The following ZBTB17 variants were observed in gnomAD, a reference collection of about 807,000 sequenced individuals.
ZBTB17 encodes the protein zinc finger and BTB domain-containing protein 17.
Under a neutral mutation model 85.1 loss-of-function variants are expected in ZBTB17, and 24 were observed. That is an observed-to-expected ratio of 0.28 (90% CI 0.20 to 0.40). The LOEUF is 0.40. Among genes scored for constraint, ZBTB17 ranks in the 10% least tolerant of loss-of-function variants. The pLI, the probability that ZBTB17 is intolerant of heterozygous loss-of-function variation, is 1.00. For missense variants in ZBTB17, 743 were observed against 1,105.1 expected (o/e 0.67, Z 4.65); for synonymous variants, 464 against 460.2 (o/e 1.01, Z -0.11).
intron 13 of ZBTB17, 95 bp downstream of exon 13, chr1:15,942,969 C>G (rs2071424788): frequency 6.5e-7 from 1 of 1,540,586 alleles, no homozygotes. Flanking sequence ...AGCTAGCACC[C>G]GAGGCTGGGG....
At chr1:15,970,731 T>C (rs1211603801) in intron 2 of ZBTB17, among the ~76,000 whole-genome samples, 1 of 151,992 alleles carries the variant, frequency 6.6e-6, no homozygotes, top group East Asian at 1.9e-4. Flanking sequence ...GTATTTTTAG[T>C]AGAGACGGAG....
Position 15,944,466 on chromosome 1 carries a change from G to A in ZBTB17, c.1205C>T (p.Ser402Leu). The change falls in exon 9 of 16, where the codon TCG becomes TTG. Residue 402 changes from serine (S) to leucine (L), a missense_variant. By Grantham distance (145) the Ser-to-Leu change is moderately radical. Coordinates refer to ENST00000375743, the MANE Select transcript of ZBTB17 (RefSeq NM_003443.3). ...CAGCTGGTGGCGCTTGAGGTTGCCC[G>A]AGGTGGTGAAGAGCTTGCCGCAGTC... ...CEDCGKLFTTSGNLKRHQLVH... is the reference protein window; with the variant it reads ...CEDCGKLFTTLGNLKRHQLVH... 6.3e-7 allele frequency: 1 copy of A among 1,577,056 alleles called. No individual in the cohort carries two copies. The highest frequency in any genetic ancestry group is 1.3e-5 in the African/African-American group (1 of 74,236).
chr1:15,946,821 A>G, intron 4 of ZBTB17, 114 bp downstream of exon 4: 1 of 1,331,494 alleles, frequency 7.5e-7, no homozygotes. Context: ...GCCAGCACCC[A>G]CAACCGAGGC....
chr1:15,944,673 T>A (rs1390740170), intron 8 of ZBTB17, 24 bp downstream of exon 8: 1 of 1,603,266 alleles, frequency 6.2e-7, no homozygotes, highest in Non-Finnish European at 8.5e-7. Flanking sequence ...GGGGCCGGGG[T>A]AGGAGGCCGG....
In ZBTB17 at chr1:15,948,909, A is replaced by G. The variant is rs1157745231; in HGVS notation, c.-2-412T>C. Among the ~76,000 whole-genome samples the G allele has an allele frequency of 2.0e-5, 3 of 152,360 alleles. No homozygotes were observed. The East Asian group carries it at 5.8e-4, about 29-fold the overall frequency. On this transcript the variant is annotated intron_variant, in intron 2 of 15. Coordinates refer to ENST00000375743, the MANE Select transcript of ZBTB17 (RefSeq NM_003443.3). ...AGAATGCATGACAATCTCAGAATAA[A>G]GGACAGATGTTTCAATTGGACATGT...
rs2071885234 is a variant in ZBTB17 at position 15,952,237 on chromosome 1, C to T, written c.-2-3740G>A. Among the ~76,000 whole-genome samples, 1 of 152,196 alleles carries T rather than the reference C, an allele frequency of 6.6e-6. No homozygotes were observed. The highest frequency in any genetic ancestry group is 1.5e-5 in the Non-Finnish European group (1 of 68,036). ...GCAATCGGGCACCTTTTCCCAACAC[C>T]TCTAGTCACTCAGTTTTTCTCCCTC... On this transcript the variant is annotated intron_variant, in intron 2 of 15. Coordinates refer to ENST00000375743, the MANE Select transcript of ZBTB17 (RefSeq NM_003443.3). This position sits in a 1 kb window ranked among gnomAD's most constrained non-coding sequence, Gnocchi z 4.3.
chr1:15,947,575 C>T (rs185943914), intron 3 of ZBTB17, among the ~76,000 whole-genome samples: 290 of 152,200 alleles, frequency 1.9e-3, no homozygotes, highest in African/African-American at 6.7e-3. Context: ...TGAATGCCTG[C>T]CCTGGATGAG....
intron 2 of ZBTB17, among the ~76,000 whole-genome samples, chr1:15,963,910 A>G (rs2072346628): frequency 1.3e-5 from 2 of 152,048 alleles, no homozygotes. Context: ...GTTCAAGACC[A>G]GCCTGTCTTT....
At chr1:15,971,360 C>T (rs1056274118) in intron 2 of ZBTB17, among the ~76,000 whole-genome samples, 2 of 139,652 alleles carry the variant, frequency 1.4e-5, no homozygotes, top group Non-Finnish European at 3.1e-5. Flanking sequence ...CATACACACA[C>T]AATATATATA....
rs553065526 is a variant in ZBTB17 at position 15,952,374 on chromosome 1, G to A, written c.-2-3877C>T. ...CTGGGGAACAAAAAAGTGAGGCACT[G>A]AGGACACCTGCAGTGTGAGTCCGGA... On this transcript the variant is annotated intron_variant, in intron 2 of 15. Transcript: ENST00000375743. This position sits in a 1 kb window ranked among gnomAD's most constrained non-coding sequence, Gnocchi z 4.3. Among the ~76,000 whole-genome samples the A allele has an allele frequency of 6.6e-6, 1 of 152,364 alleles. No individual in the cohort carries two copies. The highest frequency in any genetic ancestry group is 2.4e-5 in the African/African-American group (1 of 41,582).
intron 2 of ZBTB17, among the ~76,000 whole-genome samples, chr1:15,950,043 G>A (rs775276982): frequency 6.7e-4 from 102 of 152,334 alleles, no homozygotes; most frequent in Non-Finnish European, 1.1e-3. Context: ...CTCTCTCAAT[G>A]ACATTCCTAA....
intron 2 of ZBTB17, among the ~76,000 whole-genome samples, chr1:15,959,350 A>G (rs1262694940): frequency 3.3e-5 from 5 of 152,162 alleles, no homozygotes; most frequent in Non-Finnish European, 5.9e-5. Context: ...GAAGCCCCTC[A>G]GGGGAGCAGG....
Position 15,951,350 on chromosome 1 carries a change from C to T in ZBTB17, c.-2-2853G>A, listed in dbSNP as rs538700809. Among the ~76,000 whole-genome samples the T allele has an allele frequency of 8.2e-5, 12 of 145,686 alleles. No homozygotes were observed. In the East Asian group the frequency reaches 2.3e-3, roughly 28 times the overall value. On this transcript the variant is annotated intron_variant, in intron 2 of 15. Coordinates refer to ENST00000375743, the MANE Select transcript of ZBTB17 (RefSeq NM_003443.3). This position sits in a 1 kb window ranked among gnomAD's most constrained non-coding sequence, Gnocchi z 4.1. ...GAGGGAGGGAGGGAGGGGCCCTGTA[C>T]CCACAGAGAGATCAGCAGCAGCTGA...
intron 2 of ZBTB17, among the ~76,000 whole-genome samples, chr1:15,957,120 A>G (rs1328644447): frequency 6.6e-6 from 1 of 151,162 alleles, no homozygotes; most frequent in African/African-American, 2.4e-5. Context: ...CAGAGGTTGC[A>G]GTGAGCCAAG....
At chr1:15,974,639 G>C (rs1402165984) in intron 1 of ZBTB17, among the ~76,000 whole-genome samples, 2 of 151,282 alleles carry the variant, frequency 1.3e-5, no homozygotes, top group Admixed American at 1.3e-4. Flanking sequence ...CAGTGGCGCC[G>C]TTTCGGCTCA....
intron 7 of ZBTB17, 47 bp from the exon 8 acceptor site, chr1:15,944,886 G>T: frequency 6.4e-7 from 1 of 1,564,978 alleles, no homozygotes; most frequent in Non-Finnish European, 8.7e-7. Context: ...GCCGGTGGGA[G>T]GCCGGAGGGG....
In ZBTB17 at chr1:15,946,971, T is replaced by G. The variant is rs763967561; in HGVS notation, c.358A>C (p.Ser120Arg). 2 of 1,613,668 alleles carry G rather than the reference T, an allele frequency of 1.2e-6. No individual in the cohort carries two copies. The highest frequency in any genetic ancestry group is 2.2e-5 in the South Asian group (2 of 91,082). ...AAGGCCTCCGCATTTCCCCCAGGGC[T>G]GGTAGCCGGCTCAGCAAGTGACTTG... ...ALKSLAEPATSPGGNAEALAT... is the reference protein window; with the variant it reads ...ALKSLAEPATRPGGNAEALAT... The change falls in exon 4 of 16, where the codon AGC becomes CGC. Residue 120 changes from serine (S) to arginine (R), a missense_variant. Transcript: ENST00000375743.
Position 15,945,099 on chromosome 1 carries a change from G to A in ZBTB17, c.765C>T (p.Ser255=). The A allele has an allele frequency of 6.2e-7, 1 of 1,610,742 alleles. No individual in the cohort carries two copies. The highest frequency in any genetic ancestry group is 1.1e-5 in the South Asian group (1 of 89,972). The change falls in exon 7 of 16, where the codon TCC becomes TCT. Residue 255 remains serine, a synonymous_variant. Transcript: ENST00000375743. Reference sequence around the variant, plus strand: ...CGGGGGCCTCTCCGTTCTCCAGCTGGGAACCCTCCTCCTTGACCTCAGCTG... The same window carrying A: ...CGGGGGCCTCTCCGTTCTCCAGCTGAGAACCCTCCTCCTTGACCTCAGCTG... ...AGPAEVKEEG[S]QLENGEAPEE... is the part of the protein sequence containing the mutation.
At chr1:15,943,019 A>C in intron 13 of ZBTB17, 45 bp downstream of exon 13, 2 of 1,608,152 alleles carry the variant, frequency 1.2e-6, no homozygotes, top group Non-Finnish European at 1.7e-6. Flanking sequence ...CCCACCTGGC[A>C]GCAGGGCCTG....
Sources: allele counts gnomAD v4.1 joint callset (sites outside exome capture counted in the v4.1 genomes callset), GRCh38; gene constraint gnomAD v4.1.1; non-coding constraint Gnocchi (gnomAD v3.1); transcripts MANE v1.5; gene names NCBI Gene and HGNC (gene_info 2026-07-23, HGNC 2026-07-21).